RBFOX3: variants seen among roughly 807,000 people sequenced by gnomAD.
RBFOX3 encodes RNA binding fox-1 homolog 3.
RBFOX3 carries 17 observed loss-of-function variants against 48.7 expected under a neutral mutation model. That is an observed-to-expected ratio of 0.35 (90% confidence interval 0.24 to 0.52). The LOEUF is 0.52. RBFOX3 is among the 20% of genes least tolerant of loss of function. RBFOX3 has a pLI of 0.94. For missense variants in RBFOX3, 382 were observed against 497.5 expected (o/e 0.77, Z 2.21); for synonymous variants, 212 against 209.5 (o/e 1.01, Z -0.10).
At chr17:79,626,094 C>T in the RBFOX3 span, among the ~76,000 whole-genome samples, 3 of 152,036 alleles carry the variant, frequency 2.0e-5, no homozygotes, top group Non-Finnish European at 2.9e-5. Context: ...GGGCAGTAAG[C>T]GGCATCCTGT....
intron 4 of RBFOX3, among the ~76,000 whole-genome samples, chr17:79,135,293 G>A (rs900711757): frequency 6.6e-6 from 1 of 152,162 alleles, no homozygotes; most frequent in African/African-American, 2.4e-5. Context: ...GGGGAGGTGA[G>A]ATGGGTGGCG....
chr17:79,444,958 C>T (rs1454909699), intron 2 of RBFOX3, among the ~76,000 whole-genome samples: 1 of 152,050 alleles, frequency 6.6e-6, no homozygotes, highest in Non-Finnish European at 1.5e-5. Context: ...CACAGGCAAC[C>T]ACAGATTTTT....
At chr17:79,611,146 C>A (rs1402922891), upstream of RBFOX3, among the ~76,000 whole-genome samples, 1 of 32,582 alleles carries the variant, frequency 3.1e-5, no homozygotes, top group African/African-American at 7.2e-5. Context: ...CTCTCTCTCT[C>A]TCTCTCTCTC....
the RBFOX3 span, among the ~76,000 whole-genome samples, chr17:79,634,718 T>G: frequency 6.6e-6 from 1 of 152,182 alleles, no homozygotes. Context: ...AGAGGCCTAC[T>G]GTTCTGCCAT....
At chr17:79,379,587 C>T (rs1233845581) in intron 2 of RBFOX3, among the ~76,000 whole-genome samples, 1 of 152,148 alleles carries the variant, frequency 6.6e-6, no homozygotes, top group South Asian at 2.1e-4. Flanking sequence ...AAAGAATGAA[C>T]ACGGGTGAGC....
At position 79,101,596 on chromosome 17, in the gene RBFOX3, G is replaced by T. The variant is rs372072435; in HGVS notation, c.556C>A (p.Pro186Thr). 4 of 1,551,204 alleles carry T rather than the reference G, an allele frequency of 2.6e-6. No individual in the cohort carries two copies. The highest frequency in any genetic ancestry group is 3.5e-6 in the Non-Finnish European group (4 of 1,146,900). ...RVMTNKKTGN[P>T]YTNGWKLNPV... ...CCCAGCCCCTTACCGTTGGTGTAGGGGTTCCCCGTCTTCTTGTTGGTCATC... is the reference window on the plus strand; with the variant it reads ...CCCAGCCCCTTACCGTTGGTGTAGGTGTTCCCCGTCTTCTTGTTGGTCATC... Residue 186 changes from proline (P) to threonine (T), a missense_variant, in exon 9 of 15, where the codon CCC becomes ACC. Pro to Thr is a conservative substitution (Grantham distance 38). Around this residue, in one of 3 missense-constraint regions of RBFOX3, gnomAD observed 215 missense variants for 254.8 expected, o/e 0.84. Coordinates refer to ENST00000693108, the MANE Select transcript of RBFOX3 (RefSeq NM_001350451.2).
chr17:79,290,048 G>A (rs555855755), intron 3 of RBFOX3, among the ~76,000 whole-genome samples: 1 of 152,252 alleles, frequency 6.6e-6, no homozygotes, highest in African/African-American at 2.4e-5. Flanking sequence ...AGATGCCCAG[G>A]GGGTCTGAAG....
At chr17:79,219,910 G>A (rs2059509272) in intron 4 of RBFOX3, among the ~76,000 whole-genome samples, 1 of 150,678 alleles carries the variant, frequency 6.6e-6, no homozygotes, top group African/African-American at 2.5e-5. Flanking sequence ...TATTACTGGA[G>A]GCTGGGCCCA....
chr17:79,525,521 C>A (rs1344128979), intron 1 of RBFOX3, among the ~76,000 whole-genome samples: 1 of 152,194 alleles, frequency 6.6e-6, no homozygotes, highest in East Asian at 1.9e-4. Context: ...CTGCCAAAAT[C>A]AGCTGGATTT....
At chr17:79,552,635 T>C (rs1486467495) in intron 1 of RBFOX3, among the ~76,000 whole-genome samples, 3 of 152,178 alleles carry the variant, frequency 2.0e-5, no homozygotes, top group African/African-American at 7.2e-5. Flanking sequence ...AATGATTCCA[T>C]TGTAATTCAA....
intron 4 of RBFOX3, among the ~76,000 whole-genome samples, chr17:79,148,092 G>A (rs941251827): frequency 6.9e-5 from 10 of 144,036 alleles, no homozygotes; most frequent in Non-Finnish European, 1.5e-4. Flanking sequence ...CCCAGGGTGC[G>A]TGCGGCCCTA....
At chr17:79,264,198 C>A (rs1311565449) in intron 3 of RBFOX3, among the ~76,000 whole-genome samples, 1 of 151,694 alleles carries the variant, frequency 6.6e-6, no homozygotes, top group Non-Finnish European at 1.5e-5. Flanking sequence ...CCCTCGGCCT[C>A]CCAAGTAGCT....
intron 4 of RBFOX3, among the ~76,000 whole-genome samples, chr17:79,124,850 C>A (rs917224733): frequency 6.6e-6 from 1 of 152,070 alleles, no homozygotes; most frequent in Non-Finnish European, 1.5e-5. Context: ...TGTATTTGGT[C>A]CCCTGGTTGC....
chr17:79,143,258 T>C (rs1321708642), intron 4 of RBFOX3, among the ~76,000 whole-genome samples: 1 of 151,924 alleles, frequency 6.6e-6, no homozygotes, highest in Non-Finnish European at 1.5e-5. Flanking sequence ...CCCCGTTCTC[T>C]GCCCACCCTG....
At chr17:79,388,217 G>A (rs1209641054) in intron 2 of RBFOX3, among the ~76,000 whole-genome samples, 2 of 152,184 alleles carry the variant, frequency 1.3e-5, no homozygotes, top group Non-Finnish European at 2.9e-5. Context: ...GCCCCCATGT[G>A]CTCCATGGGC....
intron 1 of RBFOX3, among the ~76,000 whole-genome samples, chr17:79,593,851 T>C (rs1255264501): frequency 2.6e-5 from 4 of 151,896 alleles, no homozygotes; most frequent in African/African-American, 7.3e-5. Context: ...GGAGAGGAAA[T>C]TGAGAGAGTA....
intron 3 of RBFOX3, among the ~76,000 whole-genome samples, chr17:79,268,660 G>A (rs935220081): frequency 1.2e-4 from 18 of 152,092 alleles, no homozygotes; most frequent in African/African-American, 4.3e-4. Flanking sequence ...CTCATGCCCT[G>A]GCTGACTCCA....
intron 2 of RBFOX3, among the ~76,000 whole-genome samples, chr17:79,388,150 G>A (rs1398779337): frequency 6.6e-6 from 1 of 152,196 alleles, no homozygotes; most frequent in Non-Finnish European, 1.5e-5. Context: ...GTGTGCATGT[G>A]TGTGTGCATG....
At position 79,097,720 on chromosome 17, in the gene RBFOX3, G is replaced by A. The variant is rs371067982; in HGVS notation, c.594C>T (p.Gly198=). 82 of 1,550,186 alleles carry A rather than the reference G, an allele frequency of 5.3e-5. No individual in the cohort carries two copies. In the African/African-American group the frequency reaches 8.7e-4, roughly 16 times the overall value. Residue 198 remains glycine, a synonymous_variant, in exon 10 of 15, where the codon GGC becomes GGT. Transcript: ENST00000693108. ...TNGWKLNPVV[G]AVYGPEFYAV... is the part of the protein sequence containing the mutation. ...CATAGAATTCAGGCCCGTAGACTGC[G>A]CCGACCACTGGATTTAGCTTCCAGC...
Sources: gnomAD v4.1 joint callset for allele counts (sites outside exome capture counted in the v4.1 genomes callset) on GRCh38, gnomAD v4.1.1 for gene constraint, gnomAD v4.1.1 regional missense constraint, MANE v1.5 for transcripts, NCBI Gene and HGNC (gene_info 2026-07-23, HGNC 2026-07-21) for gene names.